SPMIP4: variants seen among roughly 807,000 people sequenced by gnomAD.
SPMIP4 encodes sperm-associated microtubule inner protein 4.
At chr7:25,177,168 A>G in the SPMIP4 span, among the ~76,000 whole-genome samples, 27,766 of 152,192 alleles carry the variant, frequency 0.18, 3,598 homozygotes, top group African/African-American at 0.37. Flanking sequence ...TGGAAGTGCT[A>G]TCCTTTTTGG....
chr7:25,148,308 G>A, the SPMIP4 span, among the ~76,000 whole-genome samples: 1 of 152,086 alleles, frequency 6.6e-6, no homozygotes, highest in South Asian at 2.1e-4. Flanking sequence ...GTGTGGTCGT[G>A]CACAGCTGCA....
the SPMIP4 span, chr7:25,136,738 G>A: frequency 6.2e-6 from 10 of 1,614,060 alleles, no homozygotes; most frequent in Non-Finnish European, 7.6e-6. The surrounding 1 kb of genome is among the most constrained non-coding windows in gnomAD (Gnocchi z 5.7). Flanking sequence ...AATTAATCGG[G>A]CAATTCGTCC....
chr7:25,140,635 C>A, the SPMIP4 span, among the ~76,000 whole-genome samples: 4 of 150,642 alleles, frequency 2.7e-5, no homozygotes, highest in South Asian at 6.3e-4. Flanking sequence ...TTTTCTCCCC[C>A]CGCCCAGCAT....
At chr7:25,158,854 C>CAA in the SPMIP4 span, among the ~76,000 whole-genome samples, 8,663 of 131,470 alleles carry the variant, frequency 0.066, 409 homozygotes, top group African/African-American at 0.15. Flanking sequence ...AAGTCTGTCT[C>CAA]AAAAAAAAAA....
the SPMIP4 span, chr7:25,179,189 A>G: frequency 1.9e-6 from 3 of 1,608,284 alleles, no homozygotes; most frequent in South Asian, 3.3e-5. Context: ...CCTCTGAGGC[A>G]GTTGGGCGAG....
At chr7:25,137,315 T>TA in the SPMIP4 span, among the ~76,000 whole-genome samples, 35,887 of 122,840 alleles carry the variant, frequency 0.29, 4,599 homozygotes, top group African/African-American at 0.43. Flanking sequence ...TTTTTTTTTT[T>TA]TTTTATTTTT....
At chr7:25,155,162 G>A in the SPMIP4 span, 1 of 1,571,898 alleles carries the variant, frequency 6.4e-7, no homozygotes, top group Middle Eastern at 1.7e-4. Flanking sequence ...TGTGGTAGGG[G>A]TGTTCAATTG....
the SPMIP4 span, among the ~76,000 whole-genome samples, chr7:25,147,860 T>C: frequency 6.6e-6 from 1 of 152,232 alleles, no homozygotes; most frequent in Non-Finnish European, 1.5e-5. Flanking sequence ...TTTATTATTA[T>C]TCCTGCTTTA....
chr7:25,130,353 C>CCCAA, the SPMIP4 span, among the ~76,000 whole-genome samples: 1 of 141,308 alleles, frequency 7.1e-6, no homozygotes, highest in African/African-American at 2.7e-5. Flanking sequence ...GCTCTTGTTG[C>CCCAA]CCAAGCTGTA....
the SPMIP4 span, among the ~76,000 whole-genome samples, chr7:25,128,642 GC>G: frequency 1.3e-5 from 2 of 152,210 alleles, no homozygotes; most frequent in Non-Finnish European, 2.9e-5. This position sits in a 1 kb window ranked among gnomAD's most constrained non-coding sequence, Gnocchi z 4.5. Context: ...CTGTCTAGGA[GC>G]CAAGGCATGG....
chr7:25,158,808 T>C, the SPMIP4 span, among the ~76,000 whole-genome samples: 1 of 151,402 alleles, frequency 6.6e-6, no homozygotes, highest in Non-Finnish European at 1.5e-5. Context: ...TACTCAGGAT[T>C]ACCCAGGAGG....
the SPMIP4 span, among the ~76,000 whole-genome samples, chr7:25,166,972 T>A: frequency 1.3e-5 from 2 of 152,234 alleles, no homozygotes. Flanking sequence ...CCTTGTCACA[T>A]TCAGTAAGAG....
chr7:25,159,997 A>T, the SPMIP4 span, among the ~76,000 whole-genome samples: 78 of 152,230 alleles, frequency 5.1e-4, 1 homozygote, highest in South Asian at 0.016. Context: ...ATGAAAAAAA[A>T]AAATAAATTT....
chr7:25,132,617 G>C, the SPMIP4 span, among the ~76,000 whole-genome samples: 1 of 152,156 alleles, frequency 6.6e-6, no homozygotes, highest in Non-Finnish European at 1.5e-5. The surrounding 1 kb of genome is among the most constrained non-coding windows in gnomAD (Gnocchi z 5.0). Flanking sequence ...TTCAGGGGAG[G>C]AGACAGGAAA....
At chr7:25,168,486 CA>C in the SPMIP4 span, 4 of 1,559,784 alleles carry the variant, frequency 2.6e-6, no homozygotes, top group Admixed American at 2.2e-5. Flanking sequence ...AGAGAGACTT[CA>C]AAGAGCCTCA....
At chr7:25,142,896 G>A in the SPMIP4 span, 2 of 1,065,636 alleles carry the variant, frequency 1.9e-6, no homozygotes, top group East Asian at 5.7e-5. Context: ...CAGGAAAGAG[G>A]CAAAGGAAAT....
the SPMIP4 span, among the ~76,000 whole-genome samples, chr7:25,148,542 T>C: frequency 2.1e-5 from 3 of 143,696 alleles, no homozygotes; most frequent in Non-Finnish European, 4.5e-5. Flanking sequence ...TGGTGCCACC[T>C]CGGGTCACTG....
the SPMIP4 span, among the ~76,000 whole-genome samples, chr7:25,143,840 C>T: frequency 6.6e-6 from 1 of 152,150 alleles, no homozygotes; most frequent in Non-Finnish European, 1.5e-5. Flanking sequence ...TCAAGAGATC[C>T]TCCTACTTCA....
chr7:25,151,973 C>T, the SPMIP4 span, among the ~76,000 whole-genome samples: 2 of 152,204 alleles, frequency 1.3e-5, no homozygotes, highest in South Asian at 4.1e-4. Flanking sequence ...GGCAGGCCAC[C>T]ACACTTGGCT....
Sources: allele counts gnomAD v4.1 joint callset (sites outside exome capture counted in the v4.1 genomes callset), GRCh38; gene constraint gnomAD v4.1.1; non-coding constraint Gnocchi (gnomAD v3.1); transcripts MANE v1.5; gene names NCBI Gene and HGNC (gene_info 2026-07-23, HGNC 2026-07-21).